COL28A1: variants seen among roughly 807,000 people sequenced by gnomAD.
COL28A1 encodes collagen alpha-1(XXVIII) chain.
Under a neutral mutation model 150.2 loss-of-function variants are expected in COL28A1, and 161 were observed. That is an observed-to-expected ratio of 1.07 (90% CI 0.94 to 1.22). COL28A1 has a LOEUF of 1.22. Ranked by LOEUF, COL28A1 falls within the 50% of genes most tolerant of loss-of-function variation. COL28A1 has a pLI of 0.00. For missense variants in COL28A1, 1,617 were observed against 1,388.3 expected, an observed-to-expected ratio of 1.16 and a Z score of -2.62; for synonymous variants, 552 against 469.7, an observed-to-expected ratio of 1.18 and a Z score of -2.26.
At chr7:7,390,019 C>T (rs919929589) in intron 27 of COL28A1, among the ~76,000 whole-genome samples, 4 of 152,140 alleles carry the variant, frequency 2.6e-5, no homozygotes, top group African/African-American at 9.7e-5. Flanking sequence ...CCAGAACTTC[C>T]AATACTATGT....
intron 7 of COL28A1, among the ~76,000 whole-genome samples, chr7:7,517,560 G>A (rs1036318782): frequency 6.6e-6 from 1 of 152,140 alleles, no homozygotes; most frequent in African/African-American, 2.4e-5. Flanking sequence ...TTAAGCATCA[G>A]AGAATTTGAT....
chr7:7,480,376 A>G (rs1046237200), intron 13 of COL28A1, among the ~76,000 whole-genome samples: 3 of 152,232 alleles, frequency 2.0e-5, no homozygotes, highest in African/African-American at 7.2e-5. Context: ...AACACTTCCA[A>G]GACCTTAATG....
intron 27 of COL28A1, among the ~76,000 whole-genome samples, chr7:7,385,859 C>T (rs1476261097): frequency 1.3e-5 from 2 of 152,186 alleles, no homozygotes; most frequent in Non-Finnish European, 2.9e-5. Flanking sequence ...CTTCAAAATA[C>T]TTAAAGGCTT....
At chr7:7,516,833 A>T (rs1277152852) in intron 7 of COL28A1, among the ~76,000 whole-genome samples, 1 of 152,094 alleles carries the variant, frequency 6.6e-6, no homozygotes, top group African/African-American at 2.4e-5. Context: ...GCCTTAAGTG[A>T]TCTTTGCACC....
chr7:7,404,786 CAA>C (rs1194949761), intron 27 of COL28A1, among the ~76,000 whole-genome samples: 1 of 152,128 alleles, frequency 6.6e-6, no homozygotes, highest in East Asian at 1.9e-4. Flanking sequence ...GCAATATCCA[CAA>C]AGTCTCATTT....
rs530015996 is a variant in COL28A1, at chr7:7,464,376, C to A, written c.1303-8264G>T. Among the ~76,000 whole-genome samples, 11 of 152,298 alleles carry A rather than the reference C, an allele frequency of 7.2e-5. No individual in the cohort carries two copies. The South Asian group carries it at 2.3e-3, about 32-fold the overall frequency. On this transcript the variant is annotated intron_variant, in intron 15 of 34. Coordinates refer to ENST00000399429, the MANE Select transcript of COL28A1 (RefSeq NM_001037763.3). Reference sequence around the variant, plus strand: ...AAAATATACATTCTATTCAACAGTGCATGGTACCTTCTCCAAGATAAAACA... The same window carrying A: ...AAAATATACATTCTATTCAACAGTGAATGGTACCTTCTCCAAGATAAAACA...
At chr7:7,441,462 A>G (rs1345458160) in intron 20 of COL28A1, among the ~76,000 whole-genome samples, 1 of 151,530 alleles carries the variant, frequency 6.6e-6, no homozygotes, top group Non-Finnish European at 1.5e-5. Flanking sequence ...CTTCAAAACT[A>G]TCTTTCAACT....
intron 11 of COL28A1, among the ~76,000 whole-genome samples, chr7:7,504,043 T>C (rs1780673697): frequency 1.3e-5 from 2 of 152,210 alleles, no homozygotes; most frequent in Non-Finnish European, 2.9e-5. Flanking sequence ...TTTATGATTA[T>C]GCTGTAAAAG....
chr7:7,353,921 T>C (rs1254811013), downstream of COL28A1, among the ~76,000 whole-genome samples: 2 of 152,002 alleles, frequency 1.3e-5, no homozygotes, highest in African/African-American at 4.8e-5. Context: ...AATGAGAAAA[T>C]ACCCATAGCT....
chr7:7,539,560 C>T (rs1004391134), upstream of COL28A1, among the ~76,000 whole-genome samples: 2 of 151,946 alleles, frequency 1.3e-5, no homozygotes, highest in African/African-American at 4.8e-5. Context: ...ATGGCAAACA[C>T]CAAAACTGTA....
intron 27 of COL28A1, among the ~76,000 whole-genome samples, chr7:7,389,940 G>T (rs1236997688): frequency 6.6e-6 from 1 of 151,648 alleles, no homozygotes; most frequent in Admixed American, 6.6e-5. Context: ...GTCATCTGTA[G>T]GGACAATTTG....
At chr7:7,479,872 T>C (rs1789248079) in intron 13 of COL28A1, among the ~76,000 whole-genome samples, 2 of 152,250 alleles carry the variant, frequency 1.3e-5, no homozygotes, top group South Asian at 4.1e-4. Flanking sequence ...AATTTTTCTC[T>C]CCTTTTCTTC....
At chr7:7,427,351 C>G (rs1209127158) in intron 25 of COL28A1, among the ~76,000 whole-genome samples, 1 of 152,192 alleles carries the variant, frequency 6.6e-6, no homozygotes, top group Non-Finnish European at 1.5e-5. Context: ...ATTTTGCAGT[C>G]ATATTATAGG....
At chr7:7,486,320 T>A (rs1281480310) in intron 13 of COL28A1, among the ~76,000 whole-genome samples, 7 of 152,208 alleles carry the variant, frequency 4.6e-5, no homozygotes, top group Non-Finnish European at 1.0e-4. Context: ...AACTCACTTG[T>A]TAATTCTAGG....
rs187809319 is a variant in COL28A1 at position 7,432,659 on chromosome 7, G to A, written c.1902C>T (p.Leu634=). The A allele has an allele frequency of 2.5e-6, 4 of 1,614,032 alleles. No individual in the cohort carries two copies. The Admixed American group carries it at 6.7e-5, about 27-fold the overall frequency. ...GPRGPVGAPG[L]KGDGYPGVPG... is the part of the protein sequence containing the mutation. The stretch of plus-strand genomic sequence containing the variant: ...GCACACCAGGATAGCCATCACCTTT[G>A]AGTCCTGGAGCACCCACTGGTCCCC... Residue 634 remains leucine, a synonymous_variant, in exon 24 of 35, where the codon CTC becomes CTT. Transcript: ENST00000399429.
intron 30 of COL28A1, among the ~76,000 whole-genome samples, chr7:7,376,607 G>A (rs944935702): frequency 1.2e-4 from 18 of 151,776 alleles, no homozygotes; most frequent in East Asian, 3.9e-4. Flanking sequence ...AAAAAAATCC[G>A]AAACAAGAAC....
chr7:7,411,383 G>A (rs949075874), intron 27 of COL28A1, among the ~76,000 whole-genome samples: 1 of 152,162 alleles, frequency 6.6e-6, no homozygotes, highest in African/African-American at 2.4e-5. Context: ...CACTCTGCAA[G>A]GTGAGCTGAC....
At chr7:7,409,706 A>G (rs534864398) in intron 27 of COL28A1, among the ~76,000 whole-genome samples, 1 of 152,214 alleles carries the variant, frequency 6.6e-6, no homozygotes, top group Non-Finnish European at 1.5e-5. Flanking sequence ...TTTGGAAACT[A>G]TAGTAAACCT....
intron 13 of COL28A1, among the ~76,000 whole-genome samples, chr7:7,485,861 A>C (rs1779598084): frequency 6.6e-6 from 1 of 152,286 alleles, no homozygotes; most frequent in East Asian, 1.9e-4. Context: ...GTACCTATAT[A>C]ATAAATCTTA....
Sources: gnomAD v4.1 joint callset for allele counts (sites outside exome capture counted in the v4.1 genomes callset) on GRCh38, gnomAD v4.1.1 for gene constraint, MANE v1.5 for transcripts, NCBI Gene and HGNC (gene_info 2026-07-23, HGNC 2026-07-21) for gene names.